The following SLC6A11 variants were observed in gnomAD, a reference collection of about 807,000 sequenced individuals.
SLC6A11 encodes the protein solute carrier family 6 member 11.
Under a neutral mutation model 74.8 loss-of-function variants are expected in SLC6A11, and 25 were observed. The observed-to-expected ratio is 0.33, with a 90% CI of 0.24 to 0.47. The LOEUF is 0.47. Ranked by LOEUF, SLC6A11 falls within the 20% of genes least tolerant of loss-of-function variation. The probability of loss-of-function intolerance (pLI) is 1.00; values close to 1 mark genes in which losing one functional copy is unlikely to be tolerated. For synonymous variants in SLC6A11, 330 were observed against 330.2 expected (o/e 1.00, Z 0.01); for missense variants, 574 against 837.0 (o/e 0.69, Z 3.88).
intron 6 of SLC6A11, among the ~76,000 whole-genome samples, chr3:10,897,634 C>T (rs945664892): frequency 3.3e-5 from 5 of 152,226 alleles, no homozygotes; most frequent in African/African-American, 4.8e-5. Context: ...CAGCTCCACC[C>T]CTGTGGCTTT....
intron 4 of SLC6A11, among the ~76,000 whole-genome samples, chr3:10,831,603 G>A (rs1460935319): frequency 6.6e-6 from 1 of 152,074 alleles, no homozygotes; most frequent in Non-Finnish European, 1.5e-5. Flanking sequence ...AGTGGGACTC[G>A]GGGGTAAGTG....
intron 6 of SLC6A11, among the ~76,000 whole-genome samples, chr3:10,908,047 T>C (rs1483354936): frequency 6.6e-6 from 1 of 152,128 alleles, no homozygotes; most frequent in African/African-American, 2.4e-5. Context: ...AGAAGGATCA[T>C]GTGAACTCTA....
In SLC6A11 at chr3:10,918,832, A is replaced by AT. The variant is rs34883736; in HGVS notation, c.1120+390dup. On this transcript the variant is annotated intron_variant, in intron 8 of 13. Coordinates refer to ENST00000254488, the MANE Select transcript of SLC6A11 (RefSeq NM_014229.3). This position sits in a 1 kb window ranked among gnomAD's most constrained non-coding sequence, Gnocchi z 4.5. Reference sequence around the variant, plus strand: ...ACTCCATGCTCTACCCTGCAGAGGGATTTTTTTTTTTCAAAATGCAAATTT... The same window carrying AT: ...ACTCCATGCTCTACCCTGCAGAGGGATTTTTTTTTTTTCAAAATGCAAATTT... 1.2e-3 allele frequency among the ~76,000 whole-genome samples: 173 copies of AT among 147,272 alleles called. No individual in the cohort carries two copies. Among genetic ancestry groups the AT allele is most frequent in the African/African-American group, 2.0e-3 (79 of 40,058 alleles).
At chr3:10,868,297 T>C (rs763621341) in intron 5 of SLC6A11, among the ~76,000 whole-genome samples, 2 of 152,156 alleles carry the variant, frequency 1.3e-5, no homozygotes, top group Non-Finnish European at 2.9e-5. Flanking sequence ...TCCATTATCC[T>C]GGAAATCTTA....
chr3:10,847,921 C>T (rs146868910), intron 5 of SLC6A11, among the ~76,000 whole-genome samples: 96 of 152,322 alleles, frequency 6.3e-4, no homozygotes, highest in African/African-American at 2.2e-3. Flanking sequence ...GGGACCCTAG[C>T]CAGATCCTTT....
At position 10,823,221 on chromosome 3, in the gene SLC6A11, G is replaced by T. The variant is rs569405639; in HGVS notation, c.533-81G>T. On this transcript the variant is annotated intron_variant, in intron 3 of 13. Transcript: ENST00000254488. ...TGGGTAGATGAAAATGCCTAGTTGC[G>T]CATCAGCTCTGAATGTTTTTCAGGA... 6 of 999,530 alleles carry T rather than the reference G, an allele frequency of 6.0e-6. No homozygotes were observed. The East Asian group carries it at 9.7e-5, about 16-fold the overall frequency. The allele number at this position is 999,530 out of a possible 1,614,324, so 61.9% of individuals were successfully genotyped here.
chr3:10,918,638 C>A lies in SLC6A11; in HGVS notation c.1120+185C>A, dbSNP rs564566723. Among the ~76,000 whole-genome samples, 2 of 152,216 alleles carry A rather than the reference C, an allele frequency of 1.3e-5. No individual in the cohort carries two copies. The highest frequency in any genetic ancestry group is 3.9e-4 in the East Asian group (2 of 5,168). On this transcript the variant is annotated intron_variant, in intron 8 of 13. Transcript: ENST00000254488. This position sits in a 1 kb window ranked among gnomAD's most constrained non-coding sequence, Gnocchi z 4.5. ...ACCTAGGAGGAAAGTCTCGACACCT[C>A]CTCCCTCCCAAATCCAAGGCATCCC...
chr3:10,902,846 C>A (rs987850312), intron 6 of SLC6A11, among the ~76,000 whole-genome samples: 1 of 152,172 alleles, frequency 6.6e-6, no homozygotes, highest in African/African-American at 2.4e-5. Context: ...TGACTCCTCA[C>A]GCTGGCCAGT....
chr3:10,829,557 T>C (rs1694266009), intron 4 of SLC6A11, among the ~76,000 whole-genome samples: 1 of 152,184 alleles, frequency 6.6e-6, no homozygotes, highest in Non-Finnish European at 1.5e-5. Flanking sequence ...ACCCCGTGGC[T>C]AAAGTGTAGA....
chr3:10,840,334 T>C lies in SLC6A11; in HGVS notation c.624-3880T>C, dbSNP rs1694421739. ...ATATGCCCCCCACTTCTTTGCTAAC[T>C]TTCCTTCTACCCTTCAGGACCCCCA... On this transcript the variant is annotated intron_variant, in intron 4 of 13. Transcript: ENST00000254488. Among the ~76,000 whole-genome samples the C allele has an allele frequency of 5.3e-5, 8 of 152,156 alleles. 1 individual carries two copies. The South Asian group carries it at 1.7e-3, about 32-fold the overall frequency.
intron 7 of SLC6A11, among the ~76,000 whole-genome samples, chr3:10,914,701 A>G (rs899994417): frequency 6.6e-6 from 1 of 152,172 alleles, no homozygotes; most frequent in Non-Finnish European, 1.5e-5. Flanking sequence ...GCTCTTTGTC[A>G]GCCATAATGA....
At chr3:10,899,934 G>A (rs1227747703) in intron 6 of SLC6A11, among the ~76,000 whole-genome samples, 4 of 152,198 alleles carry the variant, frequency 2.6e-5, no homozygotes, top group African/African-American at 9.7e-5. Flanking sequence ...GGGATGGCTG[G>A]GCTGGATGAT....
chr3:10,872,391 C>T (rs769495242), intron 5 of SLC6A11, among the ~76,000 whole-genome samples: 10 of 152,148 alleles, frequency 6.6e-5, no homozygotes, highest in Admixed American at 1.3e-4. Flanking sequence ...GTCTTTTTCC[C>T]GTCTTCCTTC....
At chr3:10,935,237 G>T in intron 13 of SLC6A11, 38 bp downstream of exon 13, 2 of 1,598,540 alleles carry the variant, frequency 1.3e-6, no homozygotes, top group Non-Finnish European at 8.6e-7. Flanking sequence ...GTTTGGGCAG[G>T]GTTCGCGCCT....
At chr3:10,862,456 T>A (rs946228254) in intron 5 of SLC6A11, among the ~76,000 whole-genome samples, 1 of 152,188 alleles carries the variant, frequency 6.6e-6, no homozygotes, top group Non-Finnish European at 1.5e-5. Flanking sequence ...CCTCATCGAG[T>A]GAATTTTGGA....
chr3:10,824,079 T>A (rs995487347), intron 4 of SLC6A11: 2 of 152,792 alleles, frequency 1.3e-5, no homozygotes, highest in African/African-American at 4.8e-5. Flanking sequence ...TCTGTGACCC[T>A]TACAGGGCTG....
intron 4 of SLC6A11, among the ~76,000 whole-genome samples, chr3:10,837,038 G>C (rs533683994): frequency 2.5e-4 from 38 of 152,284 alleles, no homozygotes; most frequent in African/African-American, 8.4e-4. Context: ...GGAGTCCCTG[G>C]TACACAGTGA....
chr3:10,898,612 A>C (rs1345283765), intron 6 of SLC6A11, among the ~76,000 whole-genome samples: 1 of 152,208 alleles, frequency 6.6e-6, no homozygotes, highest in Non-Finnish European at 1.5e-5. Flanking sequence ...TCCATCTGAG[A>C]CCACCTCAGC....
rs371390454 is a variant in SLC6A11, at chr3:10,912,110, G to A, written c.912G>A (p.Thr304=). Residue 304 remains threonine (T), a synonymous_variant, in exon 7 of 14, where the codon ACG becomes ACA. Transcript: ENST00000254488. ...SDPQVWVDAG[T]QIFFSYAICL... is the part of the protein sequence containing the mutation. ...TACAGGTCTGGGTAGATGCTGGAAC[G>A]CAGATCTTTTTCTCCTATGCCATTT... 4.3e-5 allele frequency: 70 copies of A among 1,613,436 alleles called. No homozygotes were observed. The highest frequency in any genetic ancestry group is 1.0e-4 in the Admixed American group (6 of 60,008).
Sources: allele counts gnomAD v4.1 joint callset (sites outside exome capture counted in the v4.1 genomes callset), GRCh38; gene constraint gnomAD v4.1.1; non-coding constraint Gnocchi (gnomAD v3.1); transcripts MANE v1.5; gene names NCBI Gene and HGNC (gene_info 2026-07-23, HGNC 2026-07-21).